PLA2G4A: variants seen among roughly 807,000 people sequenced by gnomAD.
PLA2G4A encodes the protein phospholipase A2 group IVA, also known as cytosolic phospholipase A2.
In PLA2G4A, 40 loss-of-function variants were observed where a neutral mutation model predicts 81.9. The ratio of observed to expected loss-of-function variants is 0.49; its 90% CI spans 0.38 to 0.64. The LOEUF (loss-of-function observed/expected upper bound fraction) is 0.64. PLA2G4A is among the 30% of genes least tolerant of loss of function. PLA2G4A has a pLI of 0.00. For synonymous variants in PLA2G4A, 302 were observed against 296.9 expected (o/e 1.02, Z -0.18); for missense variants, 715 against 905.1 (o/e 0.79, Z 2.69).
At position 186,982,850 on chromosome 1, in the gene PLA2G4A, G is replaced by A. The variant is rs527723004; in HGVS notation, c.2118+3378G>A. Among the ~76,000 whole-genome samples, 51 of 152,140 alleles carry A rather than the reference G, an allele frequency of 3.4e-4. 1 individual carries two copies. The South Asian group carries it at 7.9e-3, about 24-fold the overall frequency. The stretch of plus-strand genomic sequence containing the variant: ...TCCCAGCACTTTGGGAGGCTGAGGC[G>A]GGCAGATCACCAGGTCAGGAGATCA... On this transcript the variant is annotated intron_variant, in intron 17 of 17. Transcript: ENST00000367466.
In PLA2G4A at chr1:186,883,245, T is replaced by C. The variant is rs558008288; in HGVS notation, c.116-9766T>C. 3.7e-4 allele frequency among the ~76,000 whole-genome samples: 56 copies of C among 152,178 alleles called. 1 individual carries two copies. In the South Asian group the frequency reaches 0.011, roughly 30 times the overall value. Reference sequence around the variant, plus strand: ...AAATCCAGAACTGATTCAGAGTAACTAAACAGGATTGAACTATTTCAAAAT... The same window carrying C: ...AAATCCAGAACTGATTCAGAGTAACCAAACAGGATTGAACTATTTCAAAAT... On this transcript the variant is annotated intron_variant, in intron 3 of 17. Coordinates refer to ENST00000367466, the MANE Select transcript of PLA2G4A (RefSeq NM_024420.3).
At chr1:186,910,857 T>C (rs1654912948) in intron 6 of PLA2G4A, among the ~76,000 whole-genome samples, 1 of 152,106 alleles carries the variant, frequency 6.6e-6, no homozygotes. Context: ...ATTATGATGG[T>C]GGAATAGTGA....
intron 8 of PLA2G4A, among the ~76,000 whole-genome samples, chr1:186,938,152 A>G (rs1192526800): frequency 1.3e-5 from 2 of 152,142 alleles, no homozygotes; most frequent in Non-Finnish European, 2.9e-5. Context: ...ACTGAGGCTA[A>G]AAAAGATGAA....
intron 17 of PLA2G4A, among the ~76,000 whole-genome samples, chr1:186,982,483 G>A (rs1390105902): frequency 6.6e-6 from 1 of 152,158 alleles, no homozygotes; most frequent in Non-Finnish European, 1.5e-5. Context: ...TCCTTATCTT[G>A]TACCCCTGAA....
At chr1:186,912,376 G>A (rs1263894835) in intron 7 of PLA2G4A, among the ~76,000 whole-genome samples, 2 of 152,056 alleles carry the variant, frequency 1.3e-5, no homozygotes, top group Non-Finnish European at 2.9e-5. Context: ...TATGGGGTTT[G>A]GACAAATGTG....
rs115294010 is a variant in PLA2G4A at position 186,847,611 on chromosome 1, T to C, written c.-69-6675T>C. Among the ~76,000 whole-genome samples, 1,167 of 152,230 alleles carry C rather than the reference T, an allele frequency of 7.7e-3. 10 individuals are homozygous for C. The highest frequency in any genetic ancestry group is 0.01 in the Non-Finnish European group (696 of 68,014). On this transcript the variant is annotated intron_variant, in intron 1 of 17. Transcript: ENST00000367466. ...CTCTTTGTGTTTTAAAGAAAGCAGA[T>C]GGACAAGGACATTTATATAATATAT... is the stretch of plus-strand genomic sequence containing the variant.
At chr1:186,861,881 C>T (rs924512436) in intron 2 of PLA2G4A, among the ~76,000 whole-genome samples, 1 of 151,828 alleles carries the variant, frequency 6.6e-6, no homozygotes, top group Non-Finnish European at 1.5e-5. Context: ...AGGACTCCTC[C>T]CCATTGAAGG....
intron 7 of PLA2G4A, among the ~76,000 whole-genome samples, chr1:186,926,969 T>C (rs1440787393): frequency 6.6e-6 from 1 of 152,200 alleles, no homozygotes; most frequent in African/African-American, 2.4e-5. Flanking sequence ...CCTGGCTGTA[T>C]AATGAACTAG....
chr1:186,964,129 G>T (rs1300100402), intron 14 of PLA2G4A, among the ~76,000 whole-genome samples: 1 of 152,144 alleles, frequency 6.6e-6, no homozygotes, highest in Non-Finnish European at 1.5e-5. Context: ...TTCATATCTG[G>T]TGTGACCATC....
intron 7 of PLA2G4A, among the ~76,000 whole-genome samples, chr1:186,932,255 C>CT (rs946730291): frequency 2.7e-5 from 4 of 148,902 alleles, no homozygotes; most frequent in South Asian, 2.1e-4. Flanking sequence ...ATAGACATTG[C>CT]TTTTTTTATT....
intron 13 of PLA2G4A, among the ~76,000 whole-genome samples, chr1:186,955,753 A>G (rs1422659752): frequency 4.3e-4 from 1 of 2,318 alleles, no homozygotes; most frequent in Non-Finnish European, 9.5e-4. Flanking sequence ...TTTTTTTTTT[A>G]AGACAGAGTC....
intron 7 of PLA2G4A, among the ~76,000 whole-genome samples, chr1:186,922,621 A>G (rs1233528037): frequency 6.6e-6 from 1 of 152,180 alleles, no homozygotes; most frequent in Non-Finnish European, 1.5e-5. Context: ...CCACCTAAGG[A>G]GCTGCCTCGA....
chr1:186,911,659 C>T (rs1300818324), intron 7 of PLA2G4A, among the ~76,000 whole-genome samples: 4 of 152,046 alleles, frequency 2.6e-5, no homozygotes, highest in Non-Finnish European at 5.9e-5. Context: ...TAAAATTGAG[C>T]CAAAAGCACA....
intron 7 of PLA2G4A, among the ~76,000 whole-genome samples, chr1:186,917,509 C>T (rs891196824): frequency 6.6e-6 from 1 of 152,160 alleles, no homozygotes; most frequent in Non-Finnish European, 1.5e-5. Context: ...CCGATTCATT[C>T]GCTCCACCTT....
chr1:186,965,270 ATGCCCAGCTCTATTTGTCTCC>A, intron 14 of PLA2G4A, 118 bp from the exon 15 acceptor site: 1 of 675,236 alleles, frequency 1.5e-6, no homozygotes, highest in South Asian at 1.7e-5. Context: ...AGTTGGTTTC[ATGCCCAGCTCTATTTGTCTCC>A]AAAGCCTGAG....
intron 15 of PLA2G4A, among the ~76,000 whole-genome samples, chr1:186,967,924 T>C (rs1657190356): frequency 6.6e-6 from 1 of 151,922 alleles, no homozygotes; most frequent in South Asian, 2.1e-4. Flanking sequence ...GTAGGATGAG[T>C]TGGAGAATGG....
chr1:186,918,168 C>T (rs1438985363), intron 7 of PLA2G4A, among the ~76,000 whole-genome samples: 1 of 152,096 alleles, frequency 6.6e-6, no homozygotes, highest in Admixed American at 6.5e-5. Flanking sequence ...GGGCTGCTAT[C>T]GATGCCCAGT....
rs116487370 is a variant in PLA2G4A at position 186,873,009 on chromosome 1, G to C, written c.115+2493G>C. On this transcript the variant is annotated intron_variant, in intron 3 of 17. Transcript: ENST00000367466. ...TTGTAATTGGATTTTTTTTTGAATT[G>C]TTACTTTTGTGTGTGTGTGGGGAGG... is the stretch of plus-strand genomic sequence containing the variant. 2.5e-3 allele frequency among the ~76,000 whole-genome samples: 381 copies of C among 151,814 alleles called. 2 individuals carry two copies. Among genetic ancestry groups the C allele is most frequent in the African/African-American group, 8.9e-3 (370 of 41,484 alleles).
In PLA2G4A at chr1:186,916,881, A is replaced by G. The variant is rs556154443; in HGVS notation, c.558+5492A>G. On this transcript the variant is annotated intron_variant, in intron 7 of 17. Transcript: ENST00000367466. Reference sequence around the variant, plus strand: ...AATCAGTGGAAGTGTCTACTATACAAGTCCAAATTATAAGGAAAATGAATC... The same window carrying G: ...AATCAGTGGAAGTGTCTACTATACAGGTCCAAATTATAAGGAAAATGAATC... Among the ~76,000 whole-genome samples the G allele has an allele frequency of 2.0e-5, 3 of 152,338 alleles. No homozygotes were observed. The South Asian group carries it at 6.2e-4, about 32-fold the overall frequency.
Sources: gnomAD v4.1 joint callset for allele counts (sites outside exome capture counted in the v4.1 genomes callset) on GRCh38, gnomAD v4.1.1 for gene constraint, MANE v1.5 for transcripts, NCBI Gene and HGNC (gene_info 2026-07-23, HGNC 2026-07-21) for gene names.